Variants in PGAP1 observed in about 807,000 individuals in gnomAD.
The protein encoded by PGAP1 is GPI inositol-deacylase.
PGAP1 carries 76 observed loss-of-function variants against 127.0 expected under a neutral mutation model. The ratio of observed to expected loss-of-function variants is 0.60; its 90% CI spans 0.50 to 0.72. The LOEUF (loss-of-function observed/expected upper bound fraction) is 0.72, where lower values mean the gene tolerates loss of function less well. Among genes scored for constraint, PGAP1 ranks in the 30% least tolerant of loss-of-function variants. The pLI is 0.00. For missense variants in PGAP1, 982 were observed against 1,071.3 expected (o/e 0.92, Z 1.16); for synonymous variants, 362 against 366.5 (o/e 0.99, Z 0.14).
At chr2:196,920,874 C>G (rs373261192) in intron 1 of PGAP1, among the ~76,000 whole-genome samples, 2 of 152,100 alleles carry the variant, frequency 1.3e-5, no homozygotes, top group African/African-American at 4.8e-5. Context: ...CAGCAGCTCA[C>G]CTAACTACTG....
chr2:196,863,313 G>A (rs1428684749), intron 20 of PGAP1, among the ~76,000 whole-genome samples: 1 of 152,038 alleles, frequency 6.6e-6, no homozygotes, highest in African/African-American at 2.4e-5. Flanking sequence ...CCAAAATATG[G>A]AATCAACCTA....
intron 4 of PGAP1, 123 bp downstream of exon 4, chr2:196,912,759 G>C: frequency 1.3e-6 from 1 of 784,548 alleles, no homozygotes; most frequent in Non-Finnish European, 1.9e-6. Context: ...GTGCTGATTT[G>C]CAACTGAGTT....
At position 196,861,504 on chromosome 2, in the gene PGAP1, G is replaced by A. The variant is rs553731554; in HGVS notation, c.1861+3483C>T. On this transcript the variant is annotated intron_variant, in intron 20 of 26. Coordinates refer to ENST00000354764, the MANE Select transcript of PGAP1 (RefSeq NM_024989.4). ...AAACAAATACTCTAATTTTAAAAGT[G>A]GCCAAAAGATCTGAACAGACATTTC... is the stretch of plus-strand genomic sequence containing the variant. Among the ~76,000 whole-genome samples, 14 of 152,276 alleles carry A rather than the reference G, an allele frequency of 9.2e-5. No homozygotes were observed. In the South Asian group the frequency reaches 2.9e-3, roughly 32 times the overall value.
At chr2:196,845,666 C>G (rs1490126441) in intron 23 of PGAP1, among the ~76,000 whole-genome samples, 1 of 151,616 alleles carries the variant, frequency 6.6e-6, no homozygotes, top group Non-Finnish European at 1.5e-5. Flanking sequence ...TTTCCCTTTC[C>G]TTTTTAACAA....
intron 21 of PGAP1, 137 bp from the exon 22 acceptor site, chr2:196,847,337 T>A: frequency 1.6e-6 from 1 of 622,026 alleles, no homozygotes; most frequent in Non-Finnish European, 2.7e-6. Flanking sequence ...GAAAAACAAA[T>A]TTTTAATTCT....
chr2:196,843,896 C>A lies in PGAP1; in HGVS notation c.2517G>T (p.Lys839Asn), dbSNP rs948328346. The stretch of plus-strand genomic sequence containing the variant: ...ATATCAATAAAACGCACCTAAGATT[C>A]TTTAGCCAATAAATTAGAGAAGGCA... Reference protein sequence around the residue: ...LSMPSLIYWLKNLRYYFKLNP... With the variant: ...LSMPSLIYWLNNLRYYFKLNP... Residue 839 changes from lysine to asparagine, a missense_variant, in exon 25 of 27, where the codon AAG becomes AAT. By Grantham distance (94) the Lys-to-Asn change is moderately conservative. Transcript: ENST00000354764. The A allele has an allele frequency of 6.6e-7, 1 of 1,518,080 alleles. No homozygotes were observed. Among genetic ancestry groups the A allele is most frequent in the East Asian group, 2.3e-5 (1 of 43,052 alleles). The allele number at this position is 1,518,080 out of a possible 1,614,324, so 94.0% of individuals were successfully genotyped here.
At chr2:196,879,793 G>A (rs1701674787) in intron 13 of PGAP1, among the ~76,000 whole-genome samples, 1 of 152,032 alleles carries the variant, frequency 6.6e-6, no homozygotes, top group African/African-American at 2.4e-5. Context: ...ATAATTCATA[G>A]GTTTTGCACC....
intron 20 of PGAP1, among the ~76,000 whole-genome samples, chr2:196,861,585 C>T (rs1701066310): frequency 6.6e-6 from 1 of 152,142 alleles, no homozygotes; most frequent in South Asian, 2.1e-4. Flanking sequence ...CCTGTAATCC[C>T]AGCACTTTGG....
chr2:196,861,520 C>A (rs1701063936), intron 20 of PGAP1, among the ~76,000 whole-genome samples: 1 of 152,164 alleles, frequency 6.6e-6, no homozygotes, highest in Non-Finnish European at 1.5e-5. Context: ...AAGATCTGAA[C>A]AGACATTTCT....
At chr2:196,856,591 A>T (rs1700890351) in intron 20 of PGAP1, among the ~76,000 whole-genome samples, 1 of 152,202 alleles carries the variant, frequency 6.6e-6, no homozygotes, top group Non-Finnish European at 1.5e-5. Context: ...TTAAGAAATA[A>T]GCCTCATGTT....
chr2:196,886,248 C>A (rs1438916051), intron 10 of PGAP1, among the ~76,000 whole-genome samples: 2 of 150,210 alleles, frequency 1.3e-5, no homozygotes, highest in Non-Finnish European at 3.0e-5. Context: ...GCAACCTCCT[C>A]CTCCTGGGTT....
chr2:196,875,157 G>C (rs905331863), intron 14 of PGAP1, among the ~76,000 whole-genome samples: 1 of 152,208 alleles, frequency 6.6e-6, no homozygotes, highest in Non-Finnish European at 1.5e-5. Flanking sequence ...GGAGACTTAG[G>C]AGTCATGACA....
chr2:196,917,183 C>T (rs553378245), intron 2 of PGAP1, among the ~76,000 whole-genome samples: 3 of 152,134 alleles, frequency 2.0e-5, no homozygotes, highest in Non-Finnish European at 4.4e-5. Context: ...TCTGCTTCCA[C>T]TCTTTTTGTT....
At position 196,912,961 on chromosome 2, in the gene PGAP1, C is replaced by T. The variant is rs773121117; in HGVS notation, c.570G>A (p.Lys190=). 6.8e-6 allele frequency: 11 copies of T among 1,613,796 alleles called. No homozygotes were observed. The highest frequency in any genetic ancestry group is 1.3e-5 in the African/African-American group (1 of 75,016). Residue 190 remains lysine (K), a synonymous_variant, in exon 4 of 27, where the codon AAG becomes AAA. Coordinates refer to ENST00000354764, the MANE Select transcript of PGAP1 (RefSeq NM_024989.4). ...TAATAAGAAGATTTATCAGATCATG[C>T]TTAAAATTTTTCAGTGTAAGCAATG... ...ARALLTLKNF[K]HDLINLLITQ... is the part of the protein sequence containing the mutation.
rs1490930519 is a variant in PGAP1 at position 196,893,245 on chromosome 2, T to A, written c.928A>T (p.Ile310Leu). 4 of 1,489,484 alleles carry A rather than the reference T, an allele frequency of 2.7e-6. No homozygotes were observed. The highest frequency in any genetic ancestry group is 2.8e-6 in the Non-Finnish European group (3 of 1,069,724). The allele number at this position is 1,489,484 out of a possible 1,614,324, so 92.3% of individuals were successfully genotyped here. ...AGTTTCTTCTTGGAATTTTGAGTTA[T>A]CTAGAAAGAACATTGATACATTCTG... The part of the protein sequence containing the change: ...FDLIDADTKQ[I>L]TQNSKKKLSV... The change falls in exon 8 of 27, where the codon ATA (isoleucine) becomes TTA (leucine). Residue 310 changes from isoleucine (I) to leucine (L), a missense_variant and splice_region_variant. Physicochemically the swap from Ile to Leu is conservative, Grantham distance 5. Transcript: ENST00000354764.
In PGAP1 at chr2:196,844,061, A is replaced by G. The variant is rs1162444686; in HGVS notation, c.2352T>C (p.Ser784=). The stretch of plus-strand genomic sequence containing the variant: ...GATTGGATTTCTTTTCACTTCTTCT[A>G]GAGTGTTTGGGATTCTATAAAACAA... The part of the protein sequence containing the change: ...KNSQPVNPKH[S]RRSEKKSNHH... Residue 784 remains serine, a synonymous_variant, in exon 25 of 27, where the codon TCT becomes TCC. Transcript: ENST00000354764. 31 of 1,583,328 alleles carry G rather than the reference A, an allele frequency of 2.0e-5. No individual in the cohort carries two copies. The highest frequency in any genetic ancestry group is 3.4e-5 in the Admixed American group (2 of 57,978).
chr2:196,918,988 T>C (rs922304344), intron 2 of PGAP1, among the ~76,000 whole-genome samples: 5 of 152,144 alleles, frequency 3.3e-5, no homozygotes, highest in African/African-American at 1.2e-4. Flanking sequence ...TACTTTTCCA[T>C]TCTTATCTCT....
chr2:196,879,933 C>T, intron 13 of PGAP1, 143 bp downstream of exon 13: 1 of 595,332 alleles, frequency 1.7e-6, no homozygotes, highest in South Asian at 2.1e-5. Flanking sequence ...GTAGATGATC[C>T]TAATAATTTA....
At chr2:196,895,599 G>C (rs149289057) in intron 7 of PGAP1, among the ~76,000 whole-genome samples, 2 of 152,152 alleles carry the variant, frequency 1.3e-5, no homozygotes, top group African/African-American at 4.8e-5. Context: ...ACTTAATACC[G>C]AATCTTGTAG....
Sources: gnomAD v4.1 joint callset for allele counts (sites outside exome capture counted in the v4.1 genomes callset) on GRCh38, gnomAD v4.1.1 for gene constraint, MANE v1.5 for transcripts, NCBI Gene and HGNC (gene_info 2026-07-23, HGNC 2026-07-21) for gene names.